The following IL1RAPL2 variants were observed in gnomAD, a reference collection of about 807,000 sequenced individuals.
IL1RAPL2 encodes interleukin 1 receptor accessory protein like 2, also known as X-linked interleukin-1 receptor accessory protein-like 2.
Under a neutral mutation model 44.1 loss-of-function variants are expected in IL1RAPL2, and 3 were observed. That is an observed-to-expected ratio of 0.07 (90% CI 0.03 to 0.18). IL1RAPL2 has a LOEUF of 0.18. IL1RAPL2 is among the 10% of genes least tolerant of loss of function. The pLI is 1.00. For synonymous variants in IL1RAPL2, 181 were observed against 178.8 expected (o/e 1.01, Z -0.10); for missense variants, 391 against 496.4 (o/e 0.79, Z 2.02).
At chrX:105,296,081 TC>T (rs1212258786) in intron 5 of IL1RAPL2, among the ~76,000 whole-genome samples, 1 of 111,580 alleles carries the variant, frequency 9.0e-6, no homozygotes, top group Non-Finnish European at 1.9e-5. Context: ...TTAGCAAATC[TC>T]AGTTAAGCAC....
intron 2 of IL1RAPL2, among the ~76,000 whole-genome samples, chrX:104,944,942 A>C (rs1925303739): frequency 9.0e-6 from 1 of 111,687 alleles, no homozygotes; most frequent in Non-Finnish European, 1.9e-5. Context: ...TATTTCTGTT[A>C]ACTGTAAAAT....
At chrX:105,494,282 T>C (rs2036341134) in intron 6 of IL1RAPL2, among the ~76,000 whole-genome samples, 1 of 111,295 alleles carries the variant, frequency 9.0e-6, no homozygotes, top group Non-Finnish European at 1.9e-5. Context: ...TTTTTAAAGA[T>C]CTGGAAAAGA....
chrX:105,086,260 T>TACACACACACACACACACAC (rs57243276), intron 2 of IL1RAPL2, among the ~76,000 whole-genome samples: 4 of 107,770 alleles, frequency 3.7e-5, no homozygotes, highest in African/African-American at 1.4e-4. Context: ...GAAAATGTGA[T>TACACACACACACACACACAC]ACACACACAC....
In IL1RAPL2 at chrX:105,308,971, A is replaced by G. The variant is rs921168907; in HGVS notation, c.697+41430A>G. ...TGTTCTTAGTCTTTCCCATCCATCT[A>G]TTTTACATTCTAGTGGGGGAAAGAG... On this transcript the variant is annotated intron_variant, in intron 5 of 10. Transcript: ENST00000372582. 2.7e-5 allele frequency among the ~76,000 whole-genome samples: 3 copies of G among 110,678 alleles called. No homozygotes were observed. In the East Asian group the frequency reaches 8.5e-4, roughly 31 times the overall value.
At chrX:104,704,371 A>G (rs1414457019) in intron 2 of IL1RAPL2, among the ~76,000 whole-genome samples, 12 of 111,636 alleles carry the variant, frequency 1.1e-4, no homozygotes, top group Non-Finnish European at 3.8e-5. Context: ...GGGTTGTGGT[A>G]GTGGTGAACT....
At chrX:104,947,123 T>A (rs933874276) in intron 2 of IL1RAPL2, among the ~76,000 whole-genome samples, 3 of 111,881 alleles carry the variant, frequency 2.7e-5, no homozygotes, top group African/African-American at 6.5e-5. Flanking sequence ...TGGTGTGAGA[T>A]GGTATCTCAT....
chrX:105,694,212 A>T (rs1359767810), intron 6 of IL1RAPL2, among the ~76,000 whole-genome samples: 1 of 111,675 alleles, frequency 9.0e-6, no homozygotes, highest in Non-Finnish European at 1.9e-5. Context: ...AGGGATAGGA[A>T]AATAGAATTC....
intron 2 of IL1RAPL2, among the ~76,000 whole-genome samples, chrX:105,117,000 C>A (rs766869062): frequency 2.7e-5 from 3 of 112,326 alleles, no homozygotes; most frequent in Admixed American, 9.4e-5. Context: ...ACAATGAAAT[C>A]TTCTTGAAAT....
At chrX:104,813,651 A>G (rs950352397) in intron 2 of IL1RAPL2, among the ~76,000 whole-genome samples, 1 of 111,480 alleles carries the variant, frequency 9.0e-6, no homozygotes, top group African/African-American at 3.3e-5. Flanking sequence ...TCACTTTTTC[A>G]GTCCTTTCCT....
intron 5 of IL1RAPL2, among the ~76,000 whole-genome samples, chrX:105,275,121 G>T (rs6652396): frequency 9.1e-6 from 1 of 109,599 alleles, no homozygotes; most frequent in Non-Finnish European, 1.9e-5. Context: ...AGAGGCAAGA[G>T]AAAAACTTGA....
intron 3 of IL1RAPL2, among the ~76,000 whole-genome samples, chrX:105,207,804 A>T (rs1420466886): frequency 8.9e-6 from 1 of 112,465 alleles, no homozygotes; most frequent in East Asian, 2.8e-4. Flanking sequence ...ATTTAAAAAG[A>T]CCAATGCAGT....
chrX:104,647,069 T>C, intron 1 of IL1RAPL2: 1 of 205,418 alleles, frequency 4.9e-6, no homozygotes, highest in Admixed American at 5.9e-5. Context: ...ATTTTACCTT[T>C]ATTTCCTTCA....
chrX:105,084,060 C>T (rs2032448454), intron 2 of IL1RAPL2, among the ~76,000 whole-genome samples: 1 of 112,565 alleles, frequency 8.9e-6, no homozygotes, highest in East Asian at 2.8e-4. Context: ...CATTTAGAAA[C>T]CTCTGCCTAG....
intron 1 of IL1RAPL2, among the ~76,000 whole-genome samples, chrX:104,586,115 A>C (rs1358107344): frequency 9.0e-6 from 1 of 111,688 alleles, no homozygotes; most frequent in Admixed American, 9.5e-5. Flanking sequence ...TGTTATTTTA[A>C]AACTTTTTAT....
intron 2 of IL1RAPL2, among the ~76,000 whole-genome samples, chrX:104,802,830 GT>G (rs766837214): frequency 9.0e-6 from 1 of 110,875 alleles, no homozygotes; most frequent in Non-Finnish European, 1.9e-5. Context: ...ATCCCTAAGT[GT>G]TTCTGCTTGA....
At chrX:104,948,770 A>T (rs1925472918) in intron 2 of IL1RAPL2, among the ~76,000 whole-genome samples, 1 of 109,211 alleles carries the variant, frequency 9.2e-6, no homozygotes, top group Non-Finnish European at 1.9e-5. Flanking sequence ...GATGAAGCCC[A>T]CTTGAGCATG....
Position 104,607,093 on chromosome X carries a change from C to T in IL1RAPL2, c.-20+40042C>T, listed in dbSNP as rs189021693. 3.3e-3 allele frequency among the ~76,000 whole-genome samples: 369 copies of T among 111,825 alleles called. 2 individuals carry two copies. Among genetic ancestry groups the T allele is most frequent in the Non-Finnish European group, 5.4e-3 (285 of 53,170 alleles). On this transcript the variant is annotated intron_variant, in intron 1 of 10. Transcript: ENST00000372582. ...CCTCGGGAACAACACCACACATCTA[C>T]AACCATCTGATCTTTGACAAACCTG... is the stretch of plus-strand genomic sequence containing the variant.
intron 6 of IL1RAPL2, among the ~76,000 whole-genome samples, chrX:105,580,049 C>T (rs746852923): frequency 1.2e-4 from 13 of 111,629 alleles, no homozygotes; most frequent in Non-Finnish European, 2.1e-4. Flanking sequence ...TTCTTTATTG[C>T]GAGTAAATTG....
chrX:104,656,575 G>A (rs889644043), intron 1 of IL1RAPL2, among the ~76,000 whole-genome samples: 1 of 111,754 alleles, frequency 8.9e-6, no homozygotes. Context: ...TATATTTGCT[G>A]AGGAGTGCTT....
Sources: gnomAD v4.1 joint callset for allele counts (sites outside exome capture counted in the v4.1 genomes callset) on GRCh38, gnomAD v4.1.1 for gene constraint, MANE v1.5 for transcripts, NCBI Gene and HGNC (gene_info 2026-07-23, HGNC 2026-07-21) for gene names.